CRADD: variants seen among roughly 807,000 people sequenced by gnomAD.
CRADD encodes the protein CARD and death domain containing adaptor protein.
A neutral mutation model predicts 15.5 loss-of-function variants in CRADD; 9 were observed. The ratio of observed to expected loss-of-function variants is 0.58; its 90% CI spans 0.35 to 1.01. The LOEUF is 1.01. Ranked by LOEUF, CRADD falls within the 50% of genes least tolerant of loss-of-function variation. The probability of loss-of-function intolerance (pLI) is 0.02; values close to 1 mark genes in which losing one functional copy is unlikely to be tolerated. For synonymous variants in CRADD, 118 were observed against 107.6 expected, an observed-to-expected ratio of 1.10 and a Z score of -0.60; for missense variants, 227 against 250.3, an observed-to-expected ratio of 0.91 and a Z score of 0.63.
chr12:93,851,892 G>C (rs2137051932), downstream of CRADD, among the ~76,000 whole-genome samples: 1 of 152,320 alleles, frequency 6.6e-6, no homozygotes, highest in South Asian at 2.1e-4. Flanking sequence ...TACTTAAAAA[G>C]ATGACAATAG....
At chr12:93,828,498 A>G (rs1957852116) in intron 2 of CRADD, among the ~76,000 whole-genome samples, 1 of 152,196 alleles carries the variant, frequency 6.6e-6, no homozygotes. Context: ...GATATGGGGT[A>G]TGCCTTAAAT....
At position 93,722,303 on chromosome 12, in the gene CRADD, C is replaced by T. The variant is rs181389012; in HGVS notation, c.298+43231C>T. On this transcript the variant is annotated intron_variant, in intron 2 of 2. Transcript: ENST00000332896. ...ATCTTTTACTTTTTGTAGTTTGAAACGATAGCCTAGGTATAGTTTTTGTTG... is the reference window on the plus strand; with the variant it reads ...ATCTTTTACTTTTTGTAGTTTGAAATGATAGCCTAGGTATAGTTTTTGTTG... Among the ~76,000 whole-genome samples the T allele has an allele frequency of 9.1e-4, 138 of 152,162 alleles. 1 individual carries two copies. The highest frequency in any genetic ancestry group is 2.8e-3 in the African/African-American group (115 of 41,514).
intron 2 of CRADD, among the ~76,000 whole-genome samples, chr12:93,710,640 T>C (rs771124410): frequency 6.6e-6 from 1 of 152,158 alleles, no homozygotes; most frequent in Non-Finnish European, 1.5e-5. Flanking sequence ...CCACCATGCC[T>C]GGCCAGCTTC....
intron 2 of CRADD, among the ~76,000 whole-genome samples, chr12:93,776,800 T>C (rs1463675168): frequency 1.3e-5 from 2 of 152,182 alleles, no homozygotes; most frequent in African/African-American, 4.8e-5. Flanking sequence ...TAAGATACCA[T>C]GCATACTTAT....
At position 93,849,987 on chromosome 12, in the gene CRADD, A is replaced by G. The variant is rs199846727; in HGVS notation, c.316A>G (p.Ile106Val). 19 of 1,606,076 alleles carry G rather than the reference A, an allele frequency of 1.2e-5. No homozygotes were observed. In the African/African-American group the frequency reaches 2.5e-4, roughly 21 times the overall value. The stretch of plus-strand genomic sequence containing the variant: ...CTCCTCAGGTGACAGATTGACTGGG[A>G]TCCCCTCGCACATCCTCAACAGCTC... The part of the protein sequence containing the change: ...DLPAGDRLTG[I>V]PSHILNSSPS... Residue 106 changes from isoleucine (I) to valine (V), a missense_variant, in exon 3 of 3, where the codon ATC (isoleucine) becomes GTC (valine). Ile to Val is a conservative substitution (Grantham distance 29). Coordinates refer to ENST00000332896, the MANE Select transcript of CRADD (RefSeq NM_003805.5).
At position 93,755,778 on chromosome 12, in the gene CRADD, A is replaced by C. The variant is rs1485839295; in HGVS notation, c.298+76706A>C. Among the ~76,000 whole-genome samples the C allele has an allele frequency of 2.0e-5, 3 of 152,212 alleles. No individual in the cohort carries two copies. The East Asian group carries it at 5.8e-4, about 29-fold the overall frequency. On this transcript the variant is annotated intron_variant, in intron 2 of 2. Transcript: ENST00000332896. ...GCTCCGCAGAGCCCCTCTCTGCCCCAGGTAACTTACTTTCTGATGGTAATA... is the reference window on the plus strand; with the variant it reads ...GCTCCGCAGAGCCCCTCTCTGCCCCCGGTAACTTACTTTCTGATGGTAATA...
At chr12:93,787,037 A>G (rs1450809164) in intron 2 of CRADD, among the ~76,000 whole-genome samples, 2 of 151,986 alleles carry the variant, frequency 1.3e-5, no homozygotes, top group Non-Finnish European at 2.9e-5. Flanking sequence ...GAGGTTATAC[A>G]TATCTTCCAA....
intron 2 of CRADD, among the ~76,000 whole-genome samples, chr12:93,885,620 T>G (rs1958531034): frequency 6.6e-6 from 1 of 152,246 alleles, no homozygotes; most frequent in African/African-American, 2.4e-5. Context: ...AGCTCCATTC[T>G]GCATAATAAG....
At chr12:93,703,438 A>C (rs1194189090) in intron 2 of CRADD, among the ~76,000 whole-genome samples, 6 of 149,456 alleles carry the variant, frequency 4.0e-5, no homozygotes, top group Non-Finnish European at 8.9e-5. Flanking sequence ...GCTCACTGCA[A>C]CCTCTGCCTC....
intron 2 of CRADD, among the ~76,000 whole-genome samples, chr12:93,777,095 G>A (rs375998722): frequency 2.0e-5 from 3 of 152,200 alleles, no homozygotes; most frequent in East Asian, 3.8e-4. Context: ...GGTATAGGAT[G>A]GAAAGGATGA....
intron 2 of CRADD, among the ~76,000 whole-genome samples, chr12:93,838,906 G>T (rs1958015409): frequency 6.6e-6 from 1 of 151,502 alleles, no homozygotes; most frequent in South Asian, 2.1e-4. Context: ...GGGACTACAG[G>T]TGTGCACCAC....
At chr12:93,808,091 C>T (rs1957565285) in intron 2 of CRADD, among the ~76,000 whole-genome samples, 1 of 149,654 alleles carries the variant, frequency 6.7e-6, no homozygotes, top group South Asian at 2.1e-4. Context: ...CAGTGGGTGT[C>T]CTGGGAGTGA....
intron 2 of CRADD, among the ~76,000 whole-genome samples, chr12:93,751,233 T>C (rs1039398077): frequency 6.6e-6 from 1 of 152,094 alleles, no homozygotes; most frequent in African/African-American, 2.4e-5. Context: ...ATCACAAAAA[T>C]CTCTCCAATC....
chr12:93,848,822 C>CG (rs1184256349), intron 2 of CRADD: 4 of 152,182 alleles, frequency 2.6e-5, no homozygotes, highest in African/African-American at 9.7e-5. Context: ...CATTTATAAC[C>CG]ATTCACTCAA....
Position 93,756,181 on chromosome 12 carries a change from C to A in CRADD, c.298+77109C>A, listed in dbSNP as rs932746654. 9.9e-5 allele frequency among the ~76,000 whole-genome samples: 15 copies of A among 152,216 alleles called. No homozygotes were observed. The East Asian group carries it at 2.9e-3, about 29-fold the overall frequency. On this transcript the variant is annotated intron_variant, in intron 2 of 2. Transcript: ENST00000332896. ...TGTTCATTACTTACTGAGTATTTGC[C>A]CCTTCATCCTCCAAGTGAGTGGCAC...
intron 2 of CRADD, among the ~76,000 whole-genome samples, chr12:93,742,415 C>A (rs893484462): frequency 6.1e-5 from 9 of 148,506 alleles, no homozygotes; most frequent in African/African-American, 1.3e-4. Flanking sequence ...GGCAGGGAGG[C>A]GCGCGGCCCC....
intron 2 of CRADD, among the ~76,000 whole-genome samples, chr12:93,829,119 T>G (rs1957859248): frequency 6.8e-6 from 1 of 146,832 alleles, no homozygotes; most frequent in Non-Finnish European, 1.5e-5. Flanking sequence ...TTTCCTATGA[T>G]TTCACCTTTT....
At chr12:93,761,172 T>TA (rs58764149) in intron 2 of CRADD, among the ~76,000 whole-genome samples, 11 of 152,170 alleles carry the variant, frequency 7.2e-5, no homozygotes, top group Admixed American at 2.6e-4. Flanking sequence ...ATCAGCATTT[T>TA]AAAAAAATTC....
chr12:93,808,479 T>G (rs1957574470), intron 2 of CRADD, among the ~76,000 whole-genome samples: 1 of 152,108 alleles, frequency 6.6e-6, no homozygotes, highest in Non-Finnish European at 1.5e-5. Context: ...ATTATTACAA[T>G]TCAAGGTGAG....
Sources: gnomAD v4.1 joint callset for allele counts (sites outside exome capture counted in the v4.1 genomes callset) on GRCh38, gnomAD v4.1.1 for gene constraint, MANE v1.5 for transcripts, NCBI Gene and HGNC (gene_info 2026-07-23, HGNC 2026-07-21) for gene names.